TEAD1: variants seen among roughly 807,000 people sequenced by gnomAD.
TEAD1 encodes the protein transcriptional enhancer factor TEF-1.
A neutral mutation model predicts 54.9 loss-of-function variants in TEAD1; 9 were observed. The ratio of observed to expected loss-of-function variants is 0.16; its 90% CI spans 0.10 to 0.29. The LOEUF is 0.29. Ranked by LOEUF, TEAD1 falls within the 10% of genes least tolerant of loss-of-function variation. The pLI is 1.00. For synonymous variants in TEAD1, 200 were observed against 187.8 expected, an observed-to-expected ratio of 1.07 and a Z score of -0.53; for missense variants, 387 against 535.9, an observed-to-expected ratio of 0.72 and a Z score of 2.74.
At position 12,775,024 on chromosome 11, in the gene TEAD1, C is replaced by CA. The variant is rs201947190; in HGVS notation, c.202+10598dup. Among the ~76,000 whole-genome samples the CA allele has an allele frequency of 4.8e-3, 729 of 150,538 alleles. 4 individuals carry two copies. In the Middle Eastern group the frequency reaches 0.072, roughly 15 times the overall value. On this transcript the variant is annotated intron_variant, in intron 3 of 12. Transcript: ENST00000527636. The stretch of plus-strand genomic sequence containing the variant: ...CACATGTACCCCTGAACTTAAAAGT[C>CA]AAAAAAAAGGAAGTTATATCATATT...
chr11:12,764,584 T>A, intron 3 of TEAD1, 150 bp downstream of exon 3: 1 of 934,826 alleles, frequency 1.1e-6, no homozygotes, highest in Non-Finnish European at 1.6e-6. Context: ...GGACTCACCC[T>A]AAACTAAAAA....
At chr11:12,696,138 A>G (rs1375367796) in intron 2 of TEAD1, among the ~76,000 whole-genome samples, 1 of 152,236 alleles carries the variant, frequency 6.6e-6, no homozygotes, top group African/African-American at 2.4e-5. Context: ...ATACTTTAGG[A>G]AAACTTTGTG....
At chr11:12,828,029 G>A (rs576663812) in intron 3 of TEAD1, 3 of 152,192 alleles carry the variant, frequency 2.0e-5, no homozygotes, top group Non-Finnish European at 2.9e-5. Context: ...GACAAGAAGC[G>A]GGTGTTCCAG....
At chr11:12,836,892 A>G (rs1946903191) in intron 3 of TEAD1, among the ~76,000 whole-genome samples, 1 of 152,196 alleles carries the variant, frequency 6.6e-6, no homozygotes, top group Non-Finnish European at 1.5e-5. Flanking sequence ...TTCTTTGGCA[A>G]AGATCACCTT....
chr11:12,857,555 C>G (rs903483364), intron 3 of TEAD1, among the ~76,000 whole-genome samples: 2 of 142,170 alleles, frequency 1.4e-5, no homozygotes, highest in Admixed American at 7.0e-5. Flanking sequence ...TTTACTGAAT[C>G]AAGCATCTCT....
chr11:12,745,841 T>TA (rs529422434), intron 2 of TEAD1, among the ~76,000 whole-genome samples: 272 of 152,356 alleles, frequency 1.8e-3, no homozygotes, highest in African/African-American at 6.1e-3. Flanking sequence ...ATGTGCCTGT[T>TA]AGAGTTGGCT....
chr11:12,796,892 A>G lies in TEAD1; in HGVS notation c.202+32458A>G, dbSNP rs141388154. ...TTTGGGAGGCCGAGGTGGGCGGATCACGAGGTCAGGAGATCGAGAACATCC... is the reference window on the plus strand; with the variant it reads ...TTTGGGAGGCCGAGGTGGGCGGATCGCGAGGTCAGGAGATCGAGAACATCC... On this transcript the variant is annotated intron_variant, in intron 3 of 12. Coordinates refer to ENST00000527636, the MANE Select transcript of TEAD1 (RefSeq NM_021961.6). Among the ~76,000 whole-genome samples the G allele has an allele frequency of 8.1e-3, 1,240 of 152,268 alleles. 4 individuals are homozygous for G. The highest frequency in any genetic ancestry group is 0.013 in the Non-Finnish European group (903 of 68,032).
intron 3 of TEAD1, among the ~76,000 whole-genome samples, chr11:12,801,241 A>G (rs1379778835): frequency 6.6e-6 from 1 of 152,240 alleles, no homozygotes. Flanking sequence ...TTTCACCGCA[A>G]TAAAAGCTTC....
chr11:12,895,941 G>A (rs1451859903), intron 9 of TEAD1, among the ~76,000 whole-genome samples: 2 of 104,754 alleles, frequency 1.9e-5, no homozygotes, highest in South Asian at 3.2e-4. Flanking sequence ...GCCCCCCTCC[G>A]TCTTCCTTTC....
rs566206850 is a variant in TEAD1 at position 12,725,636 on chromosome 11, G to A, written c.-54-38543G>A. Among the ~76,000 whole-genome samples the A allele has an allele frequency of 3.3e-5, 5 of 152,176 alleles. No homozygotes were observed. In the East Asian group the frequency reaches 9.7e-4, roughly 29 times the overall value. ...TTAAAAAAAAAATTAAAAAATATGTGAGTGAATATACAGATTTCTGTAGTT... is the reference window on the plus strand; with the variant it reads ...TTAAAAAAAAAATTAAAAAATATGTAAGTGAATATACAGATTTCTGTAGTT... On this transcript the variant is annotated intron_variant, in intron 2 of 12. Transcript: ENST00000527636.
intron 5 of TEAD1, among the ~76,000 whole-genome samples, chr11:12,877,634 G>A (rs528557160): frequency 3.2e-4 from 48 of 151,716 alleles, no homozygotes; most frequent in Non-Finnish European, 6.2e-4. Context: ...ACTCCAGCCC[G>A]GGCAACAAGA....
intron 3 of TEAD1, among the ~76,000 whole-genome samples, chr11:12,798,374 T>A (rs1945980799): frequency 6.6e-6 from 1 of 152,236 alleles, no homozygotes. Flanking sequence ...CTGTTTTGAT[T>A]TCACTTATAT....
chr11:12,809,276 G>A (rs1946241741), intron 3 of TEAD1, among the ~76,000 whole-genome samples: 1 of 152,166 alleles, frequency 6.6e-6, no homozygotes, highest in East Asian at 1.9e-4. Flanking sequence ...CCTGGTTCTT[G>A]TTCCTGGTGA....
At chr11:12,839,987 C>T (rs577066637) in intron 3 of TEAD1, among the ~76,000 whole-genome samples, 6 of 151,942 alleles carry the variant, frequency 3.9e-5, no homozygotes, top group Non-Finnish European at 8.8e-5. Flanking sequence ...GTGGTTCACG[C>T]CTGTAATCCA....
chr11:12,825,146 T>G (rs762723182), intron 3 of TEAD1, among the ~76,000 whole-genome samples: 4 of 152,184 alleles, frequency 2.6e-5, no homozygotes, highest in East Asian at 1.9e-4. Context: ...GTGGACTGCT[T>G]CTTCATGCAC....
chr11:12,877,659 CAA>C (rs112123980), intron 5 of TEAD1, among the ~76,000 whole-genome samples: 3 of 141,522 alleles, frequency 2.1e-5, no homozygotes, highest in Admixed American at 1.4e-4. Context: ...AACTCCATCT[CAA>C]AAAAAAAAAA....
chr11:12,802,769 C>T (rs1002867332), intron 3 of TEAD1, among the ~76,000 whole-genome samples: 1 of 152,210 alleles, frequency 6.6e-6, no homozygotes, highest in African/African-American at 2.4e-5. Context: ...GGAAGCATTG[C>T]TCACTCGGAG....
chr11:12,786,910 C>G (rs1945688490), intron 3 of TEAD1, among the ~76,000 whole-genome samples: 1 of 152,146 alleles, frequency 6.6e-6, no homozygotes, highest in Admixed American at 6.5e-5. Context: ...GAAGAGTCTT[C>G]TAGGCAGAGA....
At position 12,879,425 on chromosome 11, in the gene TEAD1, A is replaced by G. The variant is rs1170440161; in HGVS notation, c.331-283A>G. The G allele has an allele frequency of 1.5e-5, 9 of 598,070 alleles. No individual in the cohort carries two copies. In the South Asian group the frequency reaches 1.6e-4, roughly 11 times the overall value. 37.0% of individuals were successfully genotyped at this position (598,070 alleles called of 1,614,324 possible). On this transcript the variant is annotated intron_variant, in intron 5 of 12. Coordinates refer to ENST00000527636, the MANE Select transcript of TEAD1 (RefSeq NM_021961.6). ...TTCTGGAAGCTGACAAGCTAAATAAATACGTTGTCCACTCTTCTGAGAGGC... is the reference window on the plus strand; with the variant it reads ...TTCTGGAAGCTGACAAGCTAAATAAGTACGTTGTCCACTCTTCTGAGAGGC...
Sources: allele counts gnomAD v4.1 joint callset (sites outside exome capture counted in the v4.1 genomes callset), GRCh38; gene constraint gnomAD v4.1.1; transcripts MANE v1.5; gene names NCBI Gene and HGNC (gene_info 2026-07-23, HGNC 2026-07-21).